Variants in CDH8 observed in about 807,000 individuals in gnomAD.
The protein encoded by CDH8 is cadherin-8.
CDH8 carries 17 observed loss-of-function variants against 68.1 expected under a neutral mutation model. That is an observed-to-expected ratio of 0.25 (90% CI 0.17 to 0.37). The LOEUF (loss-of-function observed/expected upper bound fraction) is 0.37, where lower values mean the gene tolerates loss of function less well. Ranked by LOEUF, CDH8 falls within the 10% of genes least tolerant of loss-of-function variation. The probability of loss-of-function intolerance (pLI) is 1.00; values close to 1 mark genes in which losing one functional copy is unlikely to be tolerated. For missense variants in CDH8, 763 were observed against 999.3 expected, an observed-to-expected ratio of 0.76 and a Z score of 3.19; for synonymous variants, 372 against 365.1, an observed-to-expected ratio of 1.02 and a Z score of -0.21.
At chr16:61,834,443 G>A (rs1460853408) in intron 4 of CDH8, among the ~76,000 whole-genome samples, 1 of 151,930 alleles carries the variant, frequency 6.6e-6, no homozygotes, top group Non-Finnish European at 1.5e-5. Context: ...GTGTTTTATA[G>A]ACTGAAGAAC....
At chr16:61,688,372 G>A (rs1161434663) in intron 10 of CDH8, among the ~76,000 whole-genome samples, 2 of 151,954 alleles carry the variant, frequency 1.3e-5, no homozygotes, top group East Asian at 1.9e-4. Flanking sequence ...AGATATGTAC[G>A]GTGGCAATTG....
chr16:61,833,259 C>T (rs1250096192), intron 4 of CDH8, among the ~76,000 whole-genome samples: 4 of 151,326 alleles, frequency 2.6e-5, no homozygotes, highest in Non-Finnish European at 5.9e-5. Context: ...TATATGCACA[C>T]TCATAGCTGT....
At chr16:61,804,806 C>T (rs1379515705) in intron 7 of CDH8, among the ~76,000 whole-genome samples, 2 of 122,016 alleles carry the variant, frequency 1.6e-5, no homozygotes, top group South Asian at 3.1e-4. Flanking sequence ...ATAAAAGGAG[C>T]TGAAATTGTG....
chr16:61,868,332 T>C (rs1963293564), intron 3 of CDH8, among the ~76,000 whole-genome samples: 1 of 152,208 alleles, frequency 6.6e-6, no homozygotes, highest in Admixed American at 6.5e-5. Flanking sequence ...AATATATAAA[T>C]AAGAGAGAAT....
rs185791387 is a variant in CDH8 at position 61,756,735 on chromosome 16, T to C, written c.1415-29520A>G. On this transcript the variant is annotated intron_variant, in intron 8 of 11. Transcript: ENST00000577390. ...AAGTACATTCTAAATCTCAACCATA[T>C]TGAAATTATTTGAGATGTTTGCAAA... Among the ~76,000 whole-genome samples, 16 of 152,308 alleles carry C rather than the reference T, an allele frequency of 1.1e-4. No homozygotes were observed. The East Asian group carries it at 2.3e-3, about 22-fold the overall frequency.
In CDH8 at chr16:61,652,134, A is replaced by C. The variant is rs1963335751; in HGVS notation, c.*1474T>G. 1.0e-6 allele frequency: 1 copy of C among 974,318 alleles called. No homozygotes were observed. The highest frequency in any genetic ancestry group is 1.2e-6 in the Non-Finnish European group (1 of 819,858). The allele number at this position is 974,318 out of a possible 1,614,324, so 60.4% of individuals were successfully genotyped here. A position where few individuals can be genotyped will look rare whatever the true frequency, so the allele number is the denominator to read the frequency against. On this transcript the variant is annotated 3_prime_UTR_variant, in exon 12 of 12. Transcript: ENST00000577390. ...TAGAAAATTAAAATGATCTGCATGT[A>C]ATACTTGAGTTTTATCATACATTTT...
chr16:61,680,240 T>G (rs1328070171), intron 10 of CDH8, among the ~76,000 whole-genome samples: 1 of 151,912 alleles, frequency 6.6e-6, no homozygotes, highest in Non-Finnish European at 1.5e-5. Context: ...CTTACCATAT[T>G]TGGCAGGTCA....
At chr16:61,865,972 C>A (rs928795188) in intron 3 of CDH8, among the ~76,000 whole-genome samples, 6 of 152,138 alleles carry the variant, frequency 3.9e-5, no homozygotes, top group Non-Finnish European at 5.9e-5. Context: ...AATCCCAGCA[C>A]TTTTGGAGGG....
intron 4 of CDH8, among the ~76,000 whole-genome samples, chr16:61,845,804 C>T (rs1402804219): frequency 6.6e-6 from 1 of 152,068 alleles, no homozygotes; most frequent in Non-Finnish European, 1.5e-5. Flanking sequence ...CCCATGAGAA[C>T]TCAAAAACTG....
At chr16:61,706,620 CAAA>C (rs781148249) in intron 10 of CDH8, among the ~76,000 whole-genome samples, 7 of 60,398 alleles carry the variant, frequency 1.2e-4, no homozygotes, top group African/African-American at 2.1e-4. Flanking sequence ...GACTCTGTCT[CAAA>C]AAAAAAAAAA....
intron 2 of CDH8, among the ~76,000 whole-genome samples, chr16:61,962,101 G>C (rs1485683224): frequency 3.3e-5 from 5 of 152,192 alleles, no homozygotes; most frequent in Non-Finnish European, 7.3e-5. Flanking sequence ...TGCATGAAGT[G>C]GAAGTGGATT....
intron 3 of CDH8, among the ~76,000 whole-genome samples, chr16:61,864,032 C>T (rs191086738): frequency 5.5e-4 from 84 of 152,216 alleles, no homozygotes; most frequent in Non-Finnish European, 9.6e-4. Context: ...GTGTTGGGAG[C>T]ACAGGGGTTG....
chr16:61,668,678 AAAC>A (rs1337144750), intron 10 of CDH8, among the ~76,000 whole-genome samples: 1 of 151,664 alleles, frequency 6.6e-6, no homozygotes, highest in African/African-American at 2.4e-5. Flanking sequence ...GAAAAAAAAA[AAAC>A]AAACACACAC....
chr16:61,690,828 T>G (rs967871703), intron 10 of CDH8, among the ~76,000 whole-genome samples: 9 of 152,216 alleles, frequency 5.9e-5, no homozygotes, highest in Non-Finnish European at 1.2e-4. Flanking sequence ...TAATCATACG[T>G]GGGTGACTCC....
intron 10 of CDH8, among the ~76,000 whole-genome samples, chr16:61,678,144 A>G (rs962338911): frequency 6.6e-6 from 1 of 151,982 alleles, no homozygotes; most frequent in Non-Finnish European, 1.5e-5. Flanking sequence ...TTGCTCCCCA[A>G]CCAACACCCT....
intron 2 of CDH8, among the ~76,000 whole-genome samples, chr16:61,992,077 T>TGTGTGTGTGTGTGTGTGTGAGAGAGA (rs34925928): frequency 6.9e-6 from 1 of 144,126 alleles, no homozygotes; most frequent in African/African-American, 2.6e-5. Flanking sequence ...TGTGTGTGTG[T>TGTGTGTGTGTGTGTGTGTGAGAGAGA]GAGAGAGAGA....
At position 61,652,416 on chromosome 16, in the gene CDH8, T is replaced by C. The variant is rs1465534853; in HGVS notation, c.*1192A>G. The C allele has an allele frequency of 1.0e-6, 1 of 985,086 alleles. No homozygotes were observed. The highest frequency in any genetic ancestry group is 1.1e-4 in the East Asian group (1 of 8,816). 61.0% of individuals were successfully genotyped at this position (985,086 alleles called of 1,614,324 possible). On this transcript the variant is annotated 3_prime_UTR_variant, in exon 12 of 12. Transcript: ENST00000577390. The stretch of plus-strand genomic sequence containing the variant: ...GTTTAAATATTCACAGGAATCAATA[T>C]ACTTTAGGATGTTTGTGCTTGTAGT...
At chr16:62,013,365 G>A (rs1170773814) in intron 2 of CDH8, among the ~76,000 whole-genome samples, 4 of 151,780 alleles carry the variant, frequency 2.6e-5, no homozygotes, top group Non-Finnish European at 4.4e-5. Context: ...AAAAAATAGC[G>A]GTAGAATGAC....
chr16:61,692,517 T>C (rs1964246951), intron 10 of CDH8: 1 of 152,016 alleles, frequency 6.6e-6, no homozygotes, highest in Non-Finnish European at 1.5e-5. Context: ...TATGTGTGTA[T>C]GTATGTGTTG....
Sources: allele counts gnomAD v4.1 joint callset (sites outside exome capture counted in the v4.1 genomes callset), GRCh38; gene constraint gnomAD v4.1.1; transcripts MANE v1.5; gene names NCBI Gene and HGNC (gene_info 2026-07-23, HGNC 2026-07-21).